TNRC6B: variants seen among roughly 807,000 people sequenced by gnomAD.
TNRC6B encodes trinucleotide repeat-containing gene 6B protein.
Under a neutral mutation model 203.6 loss-of-function variants are expected in TNRC6B, and 52 were observed. That is an observed-to-expected ratio of 0.26 (90% CI 0.20 to 0.32). The LOEUF is 0.32. TNRC6B is among the 10% of genes least tolerant of loss of function. TNRC6B has a pLI of 1.00. For missense variants in TNRC6B, 1,923 were observed against 2,286.2 expected (o/e 0.84, Z 3.24); for synonymous variants, 838 against 845.7 (o/e 0.99, Z 0.16).
chr22:40,192,971 G>C (rs911480055), intron 1 of TNRC6B, among the ~76,000 whole-genome samples: 5 of 152,226 alleles, frequency 3.3e-5, no homozygotes, highest in African/African-American at 1.2e-4. Context: ...TGCTCCCTTA[G>C]GAGTTGCTCA....
Position 40,228,511 on chromosome 22 carries a change from T to C in TNRC6B, c.6-17504T>C, listed in dbSNP as rs144138611. Among the ~76,000 whole-genome samples, 394 of 151,974 alleles carry C rather than the reference T, an allele frequency of 2.6e-3. 2 individuals are homozygous for C. Among genetic ancestry groups the C allele is most frequent in the African/African-American group, 9.3e-3 (384 of 41,488 alleles). On this transcript the variant is annotated intron_variant, in intron 1 of 22. Coordinates refer to ENST00000454349, the MANE Select transcript of TNRC6B (RefSeq NM_001162501.2). Reference sequence around the variant, plus strand: ...TTAGAGTATGTGGTATAAGCCCTCGTTGAGAAGCTGTTTCTTTTTTTTTTT... The same window carrying C: ...TTAGAGTATGTGGTATAAGCCCTCGCTGAGAAGCTGTTTCTTTTTTTTTTT...
chr22:40,059,857 T>C lies in TNRC6B; in HGVS notation c.-121+14859T>C, dbSNP rs369976145. Among the ~76,000 whole-genome samples the C allele has an allele frequency of 1.1e-4, 16 of 143,792 alleles. No individual in the cohort carries two copies. In the East Asian group the frequency reaches 3.2e-3, roughly 29 times the overall value. The allele number at this position is 143,792 out of a possible 152,430, so 94.3% of individuals were successfully genotyped here. On this transcript the variant is annotated intron_variant, in intron 1 of 23. Coordinates refer to the TNRC6B transcript ENST00000301923. The stretch of plus-strand genomic sequence containing the variant: ...TTTTCCCCCCGAGACGGAGTCTCGC[T>C]CTGTTGCCAGGCTGGAGTGCACTGG...
chr22:40,157,665 T>A (rs942762814), intron 4 of TNRC6B, among the ~76,000 whole-genome samples: 1 of 152,214 alleles, frequency 6.6e-6, no homozygotes, highest in Non-Finnish European at 1.5e-5. Context: ...ATGCCAGACA[T>A]CTAGTCCCAG....
In TNRC6B at chr22:40,299,157, A is replaced by C. The variant is rs1331490223; in HGVS notation, c.3709-1298A>C. ...GAGACCCTGTCTCAAAAAAAAAAAA[A>C]CAAAAAAAAAAAAAAAACAAAACTG... is the stretch of plus-strand genomic sequence containing the variant. On this transcript the variant is annotated intron_variant, in intron 12 of 22. Transcript: ENST00000454349. Among the ~76,000 whole-genome samples the C allele has an allele frequency of 2.0e-5, 3 of 150,592 alleles. No individual in the cohort carries two copies. The East Asian group carries it at 5.8e-4, about 29-fold the overall frequency.
chr22:40,086,044 C>CT (rs1297838738), intron 1 of TNRC6B, among the ~76,000 whole-genome samples: 3 of 151,928 alleles, frequency 2.0e-5, no homozygotes, highest in African/African-American at 7.3e-5. Context: ...CTAATTTTTA[C>CT]TTTTTTTGTA....
At chr22:40,094,146 TC>T (rs1423136475) in intron 1 of TNRC6B, among the ~76,000 whole-genome samples, 1 of 152,160 alleles carries the variant, frequency 6.6e-6, no homozygotes, top group Non-Finnish European at 1.5e-5. Flanking sequence ...AGTACTTACT[TC>T]ATGGAATGCT....
chr22:40,191,635 G>C (rs1384050214), intron 1 of TNRC6B, among the ~76,000 whole-genome samples: 1 of 152,206 alleles, frequency 6.6e-6, no homozygotes, highest in Non-Finnish European at 1.5e-5. Flanking sequence ...AGGCTGGAGT[G>C]CAATAGTGTG....
At position 40,075,154 on chromosome 22, in the gene TNRC6B, ATATTTTTT is replaced by A. The variant is rs1338470437; in HGVS notation, c.-121+30158_-121+30165del. 1.8e-4 allele frequency among the ~76,000 whole-genome samples: 10 copies of A among 55,376 alleles called. 1 individual carries two copies. Among genetic ancestry groups the A allele is most frequent in the Middle Eastern group, 0.011 (1 of 94 alleles). 36.3% of individuals were successfully genotyped at this position (55,376 alleles called of 152,430 possible). A position where few individuals can be genotyped will look rare whatever the true frequency, so the allele number is the denominator to read the frequency against. The stretch of plus-strand genomic sequence containing the variant: ...GTTCTGTTCATATATATATATATAT[ATATTTTTT>A]TTTTTTTTTTTTTTTTTCTTACTGA... On this transcript the variant is annotated intron_variant, in intron 1 of 23. Transcript: ENST00000301923.
At chr22:40,143,674 T>G (rs1432859075) in intron 3 of TNRC6B, among the ~76,000 whole-genome samples, 3 of 152,098 alleles carry the variant, frequency 2.0e-5, no homozygotes, top group Non-Finnish European at 4.4e-5. Context: ...TTTTTTGTAT[T>G]TTTAGTAGAG....
chr22:40,224,260 C>T (rs1190417118), intron 1 of TNRC6B, among the ~76,000 whole-genome samples: 2 of 152,192 alleles, frequency 1.3e-5, no homozygotes, highest in African/African-American at 4.8e-5. Context: ...CTGTCTCAGC[C>T]TCCCAAAGTG....
At chr22:40,300,365 C>G (rs1261320515) in intron 12 of TNRC6B, 90 bp from the exon 13 acceptor site, 1 of 1,269,544 alleles carries the variant, frequency 7.9e-7, no homozygotes, top group African/African-American at 1.5e-5. Flanking sequence ...GCTTTAGATT[C>G]ATCAAGATTC....
At chr22:40,255,190 G>A (rs190698641) in intron 3 of TNRC6B, among the ~76,000 whole-genome samples, 74 of 152,314 alleles carry the variant, frequency 4.9e-4, no homozygotes, top group Non-Finnish European at 9.1e-4. Context: ...ATTTTGTTCA[G>A]TGAAACTTAC....
chr22:40,294,506 A>C (rs1236030633), intron 12 of TNRC6B, among the ~76,000 whole-genome samples: 1 of 151,970 alleles, frequency 6.6e-6, no homozygotes, highest in Admixed American at 6.6e-5. Flanking sequence ...ATCTACAAAG[A>C]CTCTATTTCC....
intron 1 of TNRC6B, among the ~76,000 whole-genome samples, chr22:40,113,230 A>G (rs1343481536): frequency 6.6e-6 from 1 of 152,246 alleles, no homozygotes; most frequent in Non-Finnish European, 1.5e-5. Context: ...CAGAACTTCC[A>G]AAGCGTTGAA....
At chr22:40,082,530 C>T (rs771198432) in intron 1 of TNRC6B, among the ~76,000 whole-genome samples, 5 of 152,180 alleles carry the variant, frequency 3.3e-5, no homozygotes, top group Admixed American at 6.5e-5. Flanking sequence ...ACAAAAAGAA[C>T]GGGTTCAGGT....
At chr22:40,133,255 C>T (rs1370162915) in intron 3 of TNRC6B, among the ~76,000 whole-genome samples, 2 of 152,118 alleles carry the variant, frequency 1.3e-5, no homozygotes, top group East Asian at 3.9e-4. Flanking sequence ...TTTACTGACA[C>T]ATGCTGAACT....
chr22:40,204,808 A>C (rs1255585915), intron 1 of TNRC6B, among the ~76,000 whole-genome samples: 1 of 152,218 alleles, frequency 6.6e-6, no homozygotes, highest in Non-Finnish European at 1.5e-5. Context: ...ATTTTTAATA[A>C]GTTGCCAATT....
chr22:40,235,773 G>T (rs1474238543), intron 1 of TNRC6B, among the ~76,000 whole-genome samples: 1 of 152,174 alleles, frequency 6.6e-6, no homozygotes, highest in Non-Finnish European at 1.5e-5. Flanking sequence ...CTAACAATTT[G>T]AGCATGTTAA....
At chr22:40,233,701 G>A (rs1458157338) in intron 1 of TNRC6B, among the ~76,000 whole-genome samples, 2 of 152,070 alleles carry the variant, frequency 1.3e-5, no homozygotes, top group South Asian at 2.1e-4. Context: ...CTTAAAATAC[G>A]TAAACTGGGA....
Sources: allele counts gnomAD v4.1 joint callset (sites outside exome capture counted in the v4.1 genomes callset), GRCh38; gene constraint gnomAD v4.1.1; transcripts MANE v1.5; gene names NCBI Gene and HGNC (gene_info 2026-07-23, HGNC 2026-07-21).